The following C7orf33 variants were observed in gnomAD, a reference collection of about 807,000 sequenced individuals.
C7orf33 encodes the protein uncharacterized protein C7orf33.
Under a neutral mutation model 13.4 loss-of-function variants are expected in C7orf33, and 15 were observed. That is an observed-to-expected ratio of 1.12 (90% CI 0.75 to 1.72). C7orf33 has a LOEUF of 1.72. C7orf33 is among the 40% of genes most tolerant of loss of function. The probability of loss-of-function intolerance (pLI) is 0.00; values close to 1 mark genes in which losing one functional copy is unlikely to be tolerated. For synonymous variants in C7orf33, 73 were observed against 83.2 expected, an observed-to-expected ratio of 0.88 and a Z score of 0.67; for missense variants, 187 against 220.3, an observed-to-expected ratio of 0.85 and a Z score of 0.96.
At chr7:148,605,373 A>T (rs912034159) in intron 1 of C7orf33, among the ~76,000 whole-genome samples, 6 of 152,152 alleles carry the variant, frequency 3.9e-5, no homozygotes, top group African/African-American at 1.4e-4. Flanking sequence ...CAGCTTTGTG[A>T]TGTCAGGGCA....
chr7:148,593,876 G>T (rs1796297785), intron 1 of C7orf33, among the ~76,000 whole-genome samples: 1 of 152,150 alleles, frequency 6.6e-6, no homozygotes, highest in Non-Finnish European at 1.5e-5. Flanking sequence ...CCCTAGTGTT[G>T]GAGGTGGGGC....
chr7:148,595,356 T>C (rs1796318427), intron 1 of C7orf33, among the ~76,000 whole-genome samples: 1 of 137,754 alleles, frequency 7.3e-6, no homozygotes, highest in East Asian at 2.1e-4. Context: ...ATTATATAGA[T>C]ATATCAAATA....
chr7:148,596,410 C>T (rs187839264), intron 1 of C7orf33, among the ~76,000 whole-genome samples: 15 of 152,280 alleles, frequency 9.9e-5, no homozygotes, highest in South Asian at 4.1e-4. Flanking sequence ...TCTGTTCTCA[C>T]GCTGCTGATA....
chr7:148,596,256 C>G (rs1443685682), intron 1 of C7orf33, among the ~76,000 whole-genome samples: 1 of 152,158 alleles, frequency 6.6e-6, no homozygotes, highest in Non-Finnish European at 1.5e-5. Flanking sequence ...TCAACTTCCC[C>G]CACCAGAATG....
intron 1 of C7orf33, among the ~76,000 whole-genome samples, chr7:148,609,731 A>G (rs1337130091): frequency 2.6e-5 from 4 of 152,206 alleles, no homozygotes; most frequent in African/African-American, 9.7e-5. Flanking sequence ...AAAAGGGAAC[A>G]TATTATCCTT....
At chr7:148,607,243 T>C (rs1796483644) in intron 1 of C7orf33, among the ~76,000 whole-genome samples, 1 of 152,208 alleles carries the variant, frequency 6.6e-6, no homozygotes, top group African/African-American at 2.4e-5. Context: ...TAGATTCCTC[T>C]GGCTCCTACT....
At chr7:148,612,729 G>C (rs572722787) in intron 1 of C7orf33, among the ~76,000 whole-genome samples, 2 of 152,120 alleles carry the variant, frequency 1.3e-5, no homozygotes, top group African/African-American at 2.4e-5. Flanking sequence ...AAAAAGGCAA[G>C]TAATAACACG....
At chr7:148,614,714 C>A (rs537722713) in intron 2 of C7orf33, among the ~76,000 whole-genome samples, 2 of 152,310 alleles carry the variant, frequency 1.3e-5, no homozygotes, top group East Asian at 3.9e-4. Context: ...GCCCGTACAA[C>A]CACTCAGCAC....
At chr7:148,604,088 C>A (rs1796446138) in intron 1 of C7orf33, among the ~76,000 whole-genome samples, 1 of 151,324 alleles carries the variant, frequency 6.6e-6, no homozygotes, top group African/African-American at 2.4e-5. Context: ...ACAACATTCG[C>A]AGCAACCTGG....
rs569658269 is a variant in C7orf33, at chr7:148,611,053, G to A, written c.205-2989G>A. Among the ~76,000 whole-genome samples, 24 of 152,258 alleles carry A rather than the reference G, an allele frequency of 1.6e-4. No homozygotes were observed. The South Asian group carries it at 4.1e-3, about 26-fold the overall frequency. ...CAGAGTGAGAGGAAAGAGAGTTGGA[G>A]GTATGATTCCTCCAGCGTGCTCCTT... On this transcript the variant is annotated intron_variant, in intron 1 of 2. Transcript: ENST00000307003.
chr7:148,594,051 T>C (rs1397394191), intron 1 of C7orf33, among the ~76,000 whole-genome samples: 2 of 152,066 alleles, frequency 1.3e-5, no homozygotes, highest in African/African-American at 4.8e-5. Context: ...CTGTTCGATG[T>C]GCCTGCTTCT....
At chr7:148,597,064 T>C (rs1796347983) in intron 1 of C7orf33, among the ~76,000 whole-genome samples, 1 of 152,100 alleles carries the variant, frequency 6.6e-6, no homozygotes, top group South Asian at 2.1e-4. Context: ...ATTTACCTAC[T>C]GGAGGACATC....
intron 1 of C7orf33, among the ~76,000 whole-genome samples, chr7:148,605,591 G>A (rs750770708): frequency 1.3e-5 from 2 of 152,206 alleles, no homozygotes; most frequent in African/African-American, 2.4e-5. Context: ...GTGGTTTGCA[G>A]TTTGCAGTTT....
intron 1 of C7orf33, among the ~76,000 whole-genome samples, chr7:148,601,817 A>G (rs1406908203): frequency 1.3e-5 from 2 of 151,506 alleles, no homozygotes; most frequent in Non-Finnish European, 2.9e-5. Context: ...TTGGAATCAT[A>G]ACTCACTAGA....
rs59070057 is a variant in C7orf33, at chr7:148,596,773, C to T, written c.204+5644C>T. On this transcript the variant is annotated intron_variant, in intron 1 of 2. Coordinates refer to ENST00000307003, the MANE Select transcript of C7orf33 (RefSeq NM_145304.4). Reference sequence around the variant, plus strand: ...AACCATATCAACTGCCCTAAAAATCCTCTGTGCTCCATCTGTTCCTCCCTT... The same window carrying T: ...AACCATATCAACTGCCCTAAAAATCTTCTGTGCTCCATCTGTTCCTCCCTT... Among the ~76,000 whole-genome samples the T allele has an allele frequency of 9.6e-3, 1,461 of 152,180 alleles. 19 individuals carry two copies. Among genetic ancestry groups the T allele is most frequent in the African/African-American group, 0.034 (1,393 of 41,516 alleles).
chr7:148,608,199 G>A (rs538855469), intron 1 of C7orf33, among the ~76,000 whole-genome samples: 1 of 152,262 alleles, frequency 6.6e-6, no homozygotes, highest in Non-Finnish European at 1.5e-5. Context: ...GGAGGCTGAC[G>A]CAGGCGGATC....
chr7:148,601,249 G>C (rs1057062702), intron 1 of C7orf33, among the ~76,000 whole-genome samples: 6 of 152,046 alleles, frequency 3.9e-5, no homozygotes, highest in Non-Finnish European at 5.9e-5. Context: ...TTATTGCCTA[G>C]TTCTACATAT....
chr7:148,611,959 G>A (rs61581148), intron 1 of C7orf33, among the ~76,000 whole-genome samples: 529 of 152,356 alleles, frequency 3.5e-3, no homozygotes, highest in African/African-American at 0.012. Context: ...ATCAGGGAAC[G>A]CTCCCATTTC....
rs1198833520 is a variant in C7orf33 at position 148,615,614 on chromosome 7, G to GGGT, written c.*214_*215insGTG. 1 of 467,470 alleles carries GGGT rather than the reference G, an allele frequency of 2.1e-6. No individual in the cohort carries two copies. Among genetic ancestry groups the GGGT allele is most frequent in the Non-Finnish European group, 3.9e-6 (1 of 254,536 alleles). The allele number at this position is 467,470 out of a possible 1,614,324, so 29.0% of individuals were successfully genotyped here. ...CACGTGTACCTGCAGGAATCTGTGT[G>GGGT]GCATTTGTGCACTGGTGTGGGGCCC... is the stretch of plus-strand genomic sequence containing the variant. On this transcript the variant is annotated 3_prime_UTR_variant, in exon 3 of 3. Coordinates refer to ENST00000307003, the MANE Select transcript of C7orf33 (RefSeq NM_145304.4).
Sources: gnomAD v4.1 joint callset for allele counts (sites outside exome capture counted in the v4.1 genomes callset) on GRCh38, gnomAD v4.1.1 for gene constraint, MANE v1.5 for transcripts, NCBI Gene and HGNC (gene_info 2026-07-23, HGNC 2026-07-21) for gene names.